Variants in NBEA observed in about 807,000 individuals in gnomAD.
NBEA encodes the protein lysosomal-trafficking regulator 2.
Under a neutral mutation model 343.4 loss-of-function variants are expected in NBEA, and 44 were observed. The observed-to-expected ratio is 0.13, with a 90% CI of 0.10 to 0.16. NBEA has a LOEUF of 0.16. Ranked by LOEUF, NBEA falls within the 10% of genes least tolerant of loss-of-function variation. The probability of loss-of-function intolerance (pLI) is 1.00; values close to 1 mark genes in which losing one functional copy is unlikely to be tolerated. For synonymous variants in NBEA, 1,175 were observed against 1,238.7 expected (o/e 0.95, Z 1.08); for missense variants, 2,555 against 3,631.3 (o/e 0.70, Z 7.62).
At chr13:35,247,557 C>T (rs2031389485) in intron 34 of NBEA, among the ~76,000 whole-genome samples, 1 of 152,122 alleles carries the variant, frequency 6.6e-6, no homozygotes, top group South Asian at 2.1e-4. Flanking sequence ...CCCTCACGTT[C>T]CCCAGTGAGG....
At chr13:35,534,812 A>G (rs1272328979) in intron 41 of NBEA, among the ~76,000 whole-genome samples, 1 of 152,198 alleles carries the variant, frequency 6.6e-6, no homozygotes, top group Non-Finnish European at 1.5e-5. Context: ...ATCCTAGTAC[A>G]TGCCGACTGA....
intron 10 of NBEA, among the ~76,000 whole-genome samples, chr13:35,078,933 A>C (rs939226729): frequency 6.6e-6 from 1 of 152,074 alleles, no homozygotes; most frequent in Non-Finnish European, 1.5e-5. Flanking sequence ...GAGGCAGGAG[A>C]ATTGTTTGAA....
chr13:35,044,495 A>G (rs2062770380), intron 2 of NBEA, among the ~76,000 whole-genome samples: 1 of 152,110 alleles, frequency 6.6e-6, no homozygotes, highest in Non-Finnish European at 1.5e-5. Context: ...GAAAGACAAT[A>G]TAGTCAGCTG....
chr13:35,426,474 C>G (rs891907350), intron 38 of NBEA, among the ~76,000 whole-genome samples: 1 of 152,154 alleles, frequency 6.6e-6, no homozygotes, highest in African/African-American at 2.4e-5. Context: ...TGAATTGGCC[C>G]CCACTCTCTT....
chr13:35,111,913 CTTTTT>C (rs773135374), intron 13 of NBEA, among the ~76,000 whole-genome samples: 40 of 122,752 alleles, frequency 3.3e-4, no homozygotes, highest in Admixed American at 5.0e-4. Flanking sequence ...TAACACTTTC[CTTTTT>C]TTTTTTTTTT....
rs1311374092 is a variant in NBEA, at chr13:35,672,324, G to C, written c.*1333G>C. 6.6e-6 allele frequency: 1 copy of C among 152,538 alleles called. No individual in the cohort carries two copies. The highest frequency in any genetic ancestry group is 1.5e-5 in the Non-Finnish European group (1 of 68,012). 9.4% of individuals were successfully genotyped at this position (152,538 alleles called of 1,614,324 possible). A position where few individuals can be genotyped will look rare whatever the true frequency, so the allele number is the denominator to read the frequency against. Reference sequence around the variant, plus strand: ...TCACTCGCAGTCATTTATTTAAAAAGATAAAACAAGATAATGGGTTCTTTG... The same window carrying C: ...TCACTCGCAGTCATTTATTTAAAAACATAAAACAAGATAATGGGTTCTTTG... On this transcript the variant is annotated 3_prime_UTR_variant, in exon 59 of 59. Coordinates refer to ENST00000379939, the MANE Select transcript of NBEA (RefSeq NM_001385012.1).
At chr13:35,041,766 C>A (rs1326789413) in intron 2 of NBEA, among the ~76,000 whole-genome samples, 2 of 151,934 alleles carry the variant, frequency 1.3e-5, no homozygotes, top group Non-Finnish European at 2.9e-5. Flanking sequence ...ACTTTGAAAT[C>A]TATAATTTTT....
intron 55 of NBEA, among the ~76,000 whole-genome samples, chr13:35,660,279 T>G (rs2085024079): frequency 2.0e-5 from 3 of 152,208 alleles, no homozygotes; most frequent in Admixed American, 1.3e-4. Context: ...TTTTAAAGAA[T>G]GTAGTTTTAA....
chr13:35,244,644 C>T (rs931662791), intron 34 of NBEA, among the ~76,000 whole-genome samples: 5 of 151,698 alleles, frequency 3.3e-5, no homozygotes, highest in South Asian at 2.1e-4. Context: ...TTTCTAGTTC[C>T]GTGAAGAATG....
Position 35,173,467 on chromosome 13 carries a change from G to C in NBEA, c.4427G>C (p.Cys1476Ser). The C allele has an allele frequency of 6.2e-7, 1 of 1,600,564 alleles. No homozygotes were observed. Among genetic ancestry groups the C allele is most frequent in the Non-Finnish European group, 8.5e-7 (1 of 1,172,668 alleles). ...ATGTTTTTGAATTTTTAAATAGTTTGTTGTGTTGCTGTGAGAAACTGTTTA... is the reference window on the plus strand; with the variant it reads ...ATGTTTTTGAATTTTTAAATAGTTTCTTGTGTTGCTGTGAGAAACTGTTTA... ...GLMRQCLRLV[C>S]CVAVRNCLEC... The change falls in exon 27 of 59, where the codon TGT (cysteine) becomes TCT (serine). Residue 1476 changes from cysteine (C) to serine (S), a missense_variant. Coordinates refer to ENST00000379939, the MANE Select transcript of NBEA (RefSeq NM_001385012.1).
chr13:35,032,296 A>G (rs539860408), intron 1 of NBEA, among the ~76,000 whole-genome samples: 1 of 151,898 alleles, frequency 6.6e-6, no homozygotes, highest in South Asian at 2.1e-4. Context: ...CTTTCTTTAC[A>G]ACTTCACCAG....
chr13:35,631,060 T>C (rs1320057779), intron 49 of NBEA, among the ~76,000 whole-genome samples: 2 of 152,214 alleles, frequency 1.3e-5, no homozygotes, highest in Non-Finnish European at 2.9e-5. Flanking sequence ...TGAGGAATAG[T>C]GTCCTCCAAA....
chr13:35,612,047 A>G (rs147974352), intron 48 of NBEA, among the ~76,000 whole-genome samples: 303 of 150,830 alleles, frequency 2.0e-3, no homozygotes, highest in African/African-American at 6.9e-3. Flanking sequence ...GTTCCTCCAT[A>G]GCCTCACTCC....
intron 10 of NBEA, among the ~76,000 whole-genome samples, chr13:35,079,853 G>A (rs975977112): frequency 6.6e-6 from 1 of 151,812 alleles, no homozygotes. Context: ...ATGGGATGTG[G>A]GCCCTTTTGC....
chr13:34,956,007 A>G (rs1031813329), intron 1 of NBEA, among the ~76,000 whole-genome samples: 21 of 152,208 alleles, frequency 1.4e-4, no homozygotes, highest in Middle Eastern at 3.2e-3. Flanking sequence ...TATTTTTTCT[A>G]TCAACTCTCC....
At chr13:35,192,080 C>T (rs1053274013) in intron 30 of NBEA, among the ~76,000 whole-genome samples, 10 of 152,078 alleles carry the variant, frequency 6.6e-5, no homozygotes, top group African/African-American at 2.4e-4. Flanking sequence ...TGTTTCTGCT[C>T]TGTGTACTGA....
chr13:35,608,824 A>T (rs1484832553), intron 48 of NBEA, among the ~76,000 whole-genome samples: 1 of 151,686 alleles, frequency 6.6e-6, no homozygotes. Context: ...AAGGCACTTG[A>T]TTTTTTTTAA....
rs1289439192 is a variant in NBEA, at chr13:35,195,870, C to G, written c.4934C>G (p.Pro1645Arg). The G allele has an allele frequency of 6.3e-7, 1 of 1,583,230 alleles. No homozygotes were observed. The change falls in exon 31 of 59, where the codon CCT (proline) becomes CGT (arginine). Residue 1645 changes from proline to arginine, a missense_variant. Coordinates refer to ENST00000379939, the MANE Select transcript of NBEA (RefSeq NM_001385012.1). Reference sequence around the variant, plus strand: ...CTAGTTTCTTTCATTACAGAAACACCTGCTGCATTTCCAGACACCATAAAA... The same window carrying G: ...CTAGTTTCTTTCATTACAGAAACACGTGCTGCATTTCCAGACACCATAAAA... Reference protein sequence around the residue: ...SFGHSFYKETPAAFPDTIKEK... With the variant: ...SFGHSFYKETRAAFPDTIKEK...
At position 35,432,405 on chromosome 13, in the gene NBEA, T is replaced by G; in HGVS notation, c.6304+12T>G. ...TGCAATAGAATATGGTTAGTACCAA[T>G]GCTTCTTCCACAAAAATACTTCTGG... On this transcript the variant is annotated intron_variant, in intron 39 of 58. Coordinates refer to ENST00000379939, the MANE Select transcript of NBEA (RefSeq NM_001385012.1). 1 of 1,551,936 alleles carries G rather than the reference T, an allele frequency of 6.4e-7. No individual in the cohort carries two copies. The highest frequency in any genetic ancestry group is 8.7e-7 in the Non-Finnish European group (1 of 1,146,610).
Sources: allele counts gnomAD v4.1 joint callset (sites outside exome capture counted in the v4.1 genomes callset), GRCh38; gene constraint gnomAD v4.1.1; transcripts MANE v1.5; gene names NCBI Gene and HGNC (gene_info 2026-07-23, HGNC 2026-07-21).